CNTN4: variants seen among roughly 807,000 people sequenced by gnomAD.
CNTN4 encodes the protein contactin-4.
A neutral mutation model predicts 122.5 loss-of-function variants in CNTN4; 77 were observed. The observed-to-expected ratio is 0.63, with a 90% CI of 0.52 to 0.76. The LOEUF is 0.76. Ranked by LOEUF, CNTN4 falls within the 30% of genes least tolerant of loss-of-function variation. The probability of loss-of-function intolerance (pLI) is 0.00; values close to 1 mark genes in which losing one functional copy is unlikely to be tolerated. For missense variants in CNTN4, 1,256 were observed against 1,259.1 expected (o/e 1.00, Z 0.04); for synonymous variants, 512 against 447.0 (o/e 1.15, Z -1.83).
intron 4 of CNTN4, among the ~76,000 whole-genome samples, chr3:2,656,888 T>C (rs1399837023): frequency 6.6e-6 from 1 of 152,132 alleles, no homozygotes; most frequent in African/African-American, 2.4e-5. Flanking sequence ...TGCCTCAGAG[T>C]TCAGGAGAAT....
At chr3:3,006,164 C>G (rs1490085087) in intron 14 of CNTN4, among the ~76,000 whole-genome samples, 3 of 152,154 alleles carry the variant, frequency 2.0e-5, no homozygotes, top group Non-Finnish European at 4.4e-5. Flanking sequence ...GCATGAGCCA[C>G]CGCGCCCAGC....
intron 3 of CNTN4, among the ~76,000 whole-genome samples, chr3:2,368,668 A>AT (rs984587870): frequency 7.0e-6 from 1 of 142,622 alleles, no homozygotes; most frequent in Non-Finnish European, 1.5e-5. Context: ...TTCTTAAATA[A>AT]TAAAAAAAAA....
intron 13 of CNTN4, among the ~76,000 whole-genome samples, chr3:2,939,873 C>G (rs919420565): frequency 6.6e-6 from 1 of 152,224 alleles, no homozygotes; most frequent in Non-Finnish European, 1.5e-5. Flanking sequence ...CATCCATTCC[C>G]AGCTCTCTGT....
At chr3:2,465,830 A>C (rs2075477742) in intron 3 of CNTN4, among the ~76,000 whole-genome samples, 1 of 152,190 alleles carries the variant, frequency 6.6e-6, no homozygotes. Context: ...TCCTTTTCTG[A>C]CATGAGGTGC....
At chr3:3,041,525 A>G (rs1260522530) in intron 20 of CNTN4, among the ~76,000 whole-genome samples, 1 of 152,132 alleles carries the variant, frequency 6.6e-6, no homozygotes, top group Non-Finnish European at 1.5e-5. Context: ...ACTCAGGTAT[A>G]CTCTGTGGGC....
chr3:2,434,261 A>G (rs1235542679), intron 3 of CNTN4, among the ~76,000 whole-genome samples: 1 of 152,224 alleles, frequency 6.6e-6, no homozygotes, highest in Non-Finnish European at 1.5e-5. Flanking sequence ...ATTGTACCCC[A>G]CAAACATGTA....
intron 7 of CNTN4, among the ~76,000 whole-genome samples, chr3:2,847,691 G>C (rs2093478174): frequency 6.6e-6 from 1 of 152,146 alleles, no homozygotes; most frequent in Non-Finnish European, 1.5e-5. Context: ...TAAATATCAG[G>C]GGAATATTGA....
At chr3:2,357,062 G>A (rs9882559) in intron 3 of CNTN4, among the ~76,000 whole-genome samples, 13,698 of 152,116 alleles carry the variant, frequency 0.09, 1,049 homozygotes, top group African/African-American at 0.21. Flanking sequence ...ACTTAAAAGC[G>A]CTTACAGACC....
At position 2,380,535 on chromosome 3, in the gene CNTN4, A is replaced by T. The variant is rs149242736; in HGVS notation, c.-89+41302A>T. On this transcript the variant is annotated intron_variant, in intron 3 of 24. Coordinates refer to ENST00000418658, the MANE Select transcript of CNTN4 (RefSeq NM_175607.3). ...CTTGAAGGATATTTTGCAAATTTTA[A>T]TTGGTTTATCTGAACACCACTTTTA... Among the ~76,000 whole-genome samples the T allele has an allele frequency of 5.7e-3, 873 of 152,310 alleles. 4 individuals carry two copies. The highest frequency in any genetic ancestry group is 9.2e-3 in the Non-Finnish European group (623 of 68,032).
intron 4 of CNTN4, among the ~76,000 whole-genome samples, chr3:2,614,015 T>TCTCA (rs2081608354): frequency 6.6e-6 from 1 of 152,136 alleles, no homozygotes. Flanking sequence ...CTCAAAGAGC[T>TCTCA]AACATTCTAT....
chr3:2,236,721 T>C (rs1334108448), intron 2 of CNTN4, among the ~76,000 whole-genome samples: 1 of 152,212 alleles, frequency 6.6e-6, no homozygotes, highest in East Asian at 1.9e-4. Flanking sequence ...TTCACTTTAA[T>C]TTCACTCACT....
intron 2 of CNTN4, among the ~76,000 whole-genome samples, chr3:2,174,315 A>T (rs972809406): frequency 2.0e-5 from 3 of 152,208 alleles, no homozygotes; most frequent in African/African-American, 7.2e-5. Context: ...ATATGCATAC[A>T]TGTCTTAGTT....
intron 2 of CNTN4, among the ~76,000 whole-genome samples, chr3:2,197,841 C>T (rs914990916): frequency 6.6e-6 from 1 of 151,830 alleles, no homozygotes; most frequent in Non-Finnish European, 1.5e-5. Context: ...CAGGTGAAAC[C>T]CCGTCTCTAT....
intron 2 of CNTN4, among the ~76,000 whole-genome samples, chr3:2,294,287 A>ATTTTTTTTTTTTTTTTT (rs1181394749): frequency 2.4e-5 from 3 of 125,280 alleles, no homozygotes; most frequent in Admixed American, 7.7e-5. Context: ...AAGAGTTGTG[A>ATTTTTTTTTTTTTTTTT]CTTTTTTTTT....
intron 4 of CNTN4, chr3:2,629,398 A>G (rs1378136945): frequency 1.2e-5 from 4 of 340,356 alleles, no homozygotes; most frequent in African/African-American, 8.7e-5. Flanking sequence ...AGACTAATGC[A>G]GCATCTAATT....
intron 3 of CNTN4, among the ~76,000 whole-genome samples, chr3:2,538,452 T>A (rs1238481845): frequency 6.6e-6 from 1 of 152,124 alleles, no homozygotes; most frequent in East Asian, 1.9e-4. Flanking sequence ...TTCTTCTGTG[T>A]CAGTAAATAT....
chr3:2,916,958 A>T (rs2094367985), intron 12 of CNTN4, among the ~76,000 whole-genome samples: 1 of 141,466 alleles, frequency 7.1e-6, no homozygotes, highest in Non-Finnish European at 1.5e-5. Context: ...GGCGGCTGGG[A>T]GGTGGAGGTT....
At chr3:2,832,860 A>G (rs774652148) in intron 7 of CNTN4, among the ~76,000 whole-genome samples, 7 of 152,238 alleles carry the variant, frequency 4.6e-5, no homozygotes, top group Non-Finnish European at 1.0e-4. Context: ...GGATGCACCC[A>G]TTCTTAGCTG....
rs192209023 is a variant in CNTN4, at chr3:3,057,844, G to A, written c.*1624G>A. 30 of 151,928 alleles carry A rather than the reference G, an allele frequency of 2.0e-4. No individual in the cohort carries two copies. The East Asian group carries it at 4.5e-3, about 23-fold the overall frequency. 9.4% of individuals were successfully genotyped at this position (151,928 alleles called of 1,614,324 possible). ...AAATCAGCAAAATAATAAAATGAACGAAAAAAAATGACACCCAGGGAGTTC... is the reference window on the plus strand; with the variant it reads ...AAATCAGCAAAATAATAAAATGAACAAAAAAAAATGACACCCAGGGAGTTC... On this transcript the variant is annotated 3_prime_UTR_variant, in exon 25 of 25. Coordinates refer to ENST00000418658, the MANE Select transcript of CNTN4 (RefSeq NM_175607.3).
Sources: gnomAD v4.1 joint callset for allele counts (sites outside exome capture counted in the v4.1 genomes callset) on GRCh38, gnomAD v4.1.1 for gene constraint, MANE v1.5 for transcripts, NCBI Gene and HGNC (gene_info 2026-07-23, HGNC 2026-07-21) for gene names.